Variants in STAG1 observed in about 807,000 individuals in gnomAD.
STAG1 encodes the protein STAG1 cohesin complex component.
In STAG1, 26 loss-of-function variants were observed where a neutral mutation model predicts 170.9. The observed-to-expected ratio is 0.15, with a 90% CI of 0.11 to 0.21. The LOEUF (loss-of-function observed/expected upper bound fraction) is 0.21, where lower values mean the gene tolerates loss of function less well. Ranked by LOEUF, STAG1 falls within the 10% of genes least tolerant of loss-of-function variation. The pLI, the probability that STAG1 is intolerant of heterozygous loss-of-function variation, is 1.00. For missense variants in STAG1, 964 were observed against 1,509.5 expected (o/e 0.64, Z 5.99); for synonymous variants, 514 against 497.7 (o/e 1.03, Z -0.44).
intron 1 of STAG1, chr3:136,736,391 A>C (rs1934335211): frequency 3.6e-6 from 3 of 825,586 alleles, no homozygotes; most frequent in South Asian, 3.0e-5. Context: ...TGAAAAGCAA[A>C]TACTACTCTA....
chr3:136,658,156 C>T (rs1037780716), intron 1 of STAG1, among the ~76,000 whole-genome samples: 3 of 149,910 alleles, frequency 2.0e-5, no homozygotes, highest in African/African-American at 5.0e-5. Flanking sequence ...TGCCACTGTA[C>T]TCCAGCCTAG....
chr3:136,662,005 T>C (rs1941598290), intron 1 of STAG1, among the ~76,000 whole-genome samples: 1 of 152,204 alleles, frequency 6.6e-6, no homozygotes, highest in Admixed American at 6.5e-5. Context: ...TAAGTAAATA[T>C]GGTTTGCAAC....
chr3:136,726,877 C>G (rs552129697), intron 1 of STAG1, among the ~76,000 whole-genome samples: 1 of 152,326 alleles, frequency 6.6e-6, no homozygotes, highest in South Asian at 2.1e-4. Flanking sequence ...CACCACTGTA[C>G]TCTTCCTGCA....
chr3:136,669,406 C>G (rs112444273), intron 1 of STAG1, among the ~76,000 whole-genome samples: 7 of 152,178 alleles, frequency 4.6e-5, no homozygotes, highest in African/African-American at 1.4e-4. Flanking sequence ...CAGGCTAGAC[C>G]GTGGTGGTGC....
chr3:136,517,133 A>G (rs1425140145), intron 7 of STAG1, among the ~76,000 whole-genome samples: 1 of 152,222 alleles, frequency 6.6e-6, no homozygotes, highest in Non-Finnish European at 1.5e-5. Flanking sequence ...TAAGGTATAA[A>G]GAAATGTTTA....
At chr3:136,448,183 T>C (rs1054842876) in intron 14 of STAG1, among the ~76,000 whole-genome samples, 1 of 152,216 alleles carries the variant, frequency 6.6e-6, no homozygotes, top group African/African-American at 2.4e-5. Flanking sequence ...TTCAACATTT[T>C]ATAATTCTAC....
intron 12 of STAG1, among the ~76,000 whole-genome samples, chr3:136,469,755 C>A (rs1460322084): frequency 1.3e-5 from 2 of 152,166 alleles, no homozygotes; most frequent in South Asian, 4.1e-4. Flanking sequence ...CTACAGTAAC[C>A]AAAACAGCAT....
intron 26 of STAG1, among the ~76,000 whole-genome samples, chr3:136,361,641 C>G (rs1489175696): frequency 6.6e-6 from 1 of 152,070 alleles, no homozygotes; most frequent in Non-Finnish European, 1.5e-5. Context: ...AATGGGGTCT[C>G]ACTCTGTCAC....
intron 1 of STAG1, among the ~76,000 whole-genome samples, chr3:136,633,430 G>GC: frequency 6.6e-6 from 1 of 152,238 alleles, no homozygotes; most frequent in South Asian, 2.1e-4. Flanking sequence ...GCCAGACATG[G>GC]TGGCTCACGC....
chr3:136,364,769 T>G (rs1392195468), intron 25 of STAG1, among the ~76,000 whole-genome samples: 2 of 152,244 alleles, frequency 1.3e-5, no homozygotes, highest in Admixed American at 1.3e-4. Flanking sequence ...GGACATTGTT[T>G]CCAAGCTAAA....
chr3:136,377,582 TA>T (rs1256841929), intron 23 of STAG1, 77 bp downstream of exon 23: 9 of 1,232,670 alleles, frequency 7.3e-6, no homozygotes, highest in African/African-American at 4.5e-5. Context: ...AAAACTGCCA[TA>T]AAAAATTGTA....
intron 1 of STAG1, among the ~76,000 whole-genome samples, chr3:136,746,351 C>T (rs957924128): frequency 2.6e-5 from 4 of 151,996 alleles, no homozygotes; most frequent in Non-Finnish European, 1.5e-5. Flanking sequence ...GCAAGGGTGT[C>T]CAATCTTTTA....
chr3:136,747,865 C>T (rs1334137595), intron 1 of STAG1, among the ~76,000 whole-genome samples: 2 of 151,146 alleles, frequency 1.3e-5, no homozygotes, highest in African/African-American at 2.4e-5. Context: ...CAAGCTCCGC[C>T]TCCCGGGTTC....
intron 6 of STAG1, among the ~76,000 whole-genome samples, chr3:136,531,205 A>G (rs1008879801): frequency 2.0e-5 from 3 of 150,974 alleles, no homozygotes; most frequent in Non-Finnish European, 4.4e-5. Flanking sequence ...CAAAACCACA[A>G]TGAGATACCA....
intron 7 of STAG1, chr3:136,518,309 C>T (rs1360670379): frequency 1.1e-5 from 7 of 659,424 alleles, no homozygotes; most frequent in Admixed American, 2.4e-5. Flanking sequence ...ATTCCAAAGC[C>T]GATAATCATA....
chr3:136,352,621 A>AT (rs200033687), intron 28 of STAG1, among the ~76,000 whole-genome samples: 46 of 151,700 alleles, frequency 3.0e-4, no homozygotes, highest in Non-Finnish European at 5.6e-4. Context: ...TTGACTTATG[A>AT]TTTTTTTTTA....
chr3:136,398,868 C>CA (rs756003303), intron 21 of STAG1, 39 bp from the exon 22 acceptor site: 5 of 1,279,560 alleles, frequency 3.9e-6, no homozygotes, highest in East Asian at 2.8e-5. Context: ...ATGAAAAATT[C>CA]AAAAAAATGA....
intron 5 of STAG1, among the ~76,000 whole-genome samples, chr3:136,553,734 A>G (rs1936502423): frequency 6.6e-6 from 1 of 152,282 alleles, no homozygotes. Flanking sequence ...AGATCGCGCC[A>G]CTGCGCTCCA....
At chr3:136,650,909 T>C (rs1239594770) in intron 1 of STAG1, among the ~76,000 whole-genome samples, 2 of 113,980 alleles carry the variant, frequency 1.8e-5, no homozygotes, top group Non-Finnish European at 3.5e-5. Context: ...CACAAGAGAA[T>C]GGTGGTAGAA....
Sources: allele counts gnomAD v4.1 joint callset (sites outside exome capture counted in the v4.1 genomes callset), GRCh38; gene constraint gnomAD v4.1.1; transcripts MANE v1.5; gene names NCBI Gene and HGNC (gene_info 2026-07-23, HGNC 2026-07-21).